Variants in DNAJC7 observed in about 807,000 individuals in gnomAD.
DNAJC7 encodes dnaJ homolog subfamily C member 7.
In DNAJC7, 18 loss-of-function variants were observed where a neutral mutation model predicts 67.4. The ratio of observed to expected loss-of-function variants is 0.27; its 90% CI spans 0.18 to 0.40. The LOEUF (loss-of-function observed/expected upper bound fraction) is 0.40, where lower values mean the gene tolerates loss of function less well. Among genes scored for constraint, DNAJC7 ranks in the 10% least tolerant of loss-of-function variants. The pLI is 1.00. For missense variants in DNAJC7, 419 were observed against 613.8 expected, an observed-to-expected ratio of 0.68 and a Z score of 3.35; for synonymous variants, 220 against 207.8, an observed-to-expected ratio of 1.06 and a Z score of -0.50.
chr17:42,006,972 G>A, intron 1 of DNAJC7, among the ~76,000 whole-genome samples: 1 of 150,950 alleles, frequency 6.6e-6, no homozygotes, highest in Non-Finnish European at 1.5e-5. Context: ...CAAGGTGGCA[G>A]GCGCCTGTAG....
At chr17:41,976,842 A>G in intron 13 of DNAJC7, 72 bp from the exon 14 acceptor site, 1 of 1,565,072 alleles carries the variant, frequency 6.4e-7, no homozygotes, top group Non-Finnish European at 8.7e-7. Flanking sequence ...CTGATTATGG[A>G]AAAGTCTTCA....
At chr17:42,005,994 A>G (rs141370002) in intron 1 of DNAJC7, among the ~76,000 whole-genome samples, 1,544 of 152,056 alleles carry the variant, frequency 0.01, 29 homozygotes, top group African/African-American at 0.036. Context: ...CCCAGGCTAG[A>G]GTGCAGTGGC....
At chr17:41,991,410 G>A (rs944689552) in intron 5 of DNAJC7, among the ~76,000 whole-genome samples, 1 of 152,092 alleles carries the variant, frequency 6.6e-6, no homozygotes, top group Non-Finnish European at 1.5e-5. Flanking sequence ...ATAGAATGAA[G>A]AAGCTCTTCA....
intron 11 of DNAJC7, 51 bp downstream of exon 11, chr17:41,982,204 G>T: frequency 6.2e-7 from 1 of 1,608,440 alleles, no homozygotes; most frequent in Non-Finnish European, 8.5e-7. Context: ...GTGGCAGTTG[G>T]CCTGCCCTGC....
chr17:41,989,285 T>C (rs2051454819), intron 7 of DNAJC7, 119 bp downstream of exon 7: 1 of 1,379,746 alleles, frequency 7.2e-7, no homozygotes, highest in Non-Finnish European at 9.8e-7. Context: ...CCAAGCATCC[T>C]TGCAAAGCAG....
chr17:42,017,397 C>T lies in DNAJC7; in HGVS notation c.20G>A (p.Cys7Tyr). The T allele has an allele frequency of 1.9e-6, 3 of 1,609,098 alleles. No homozygotes were observed. The highest frequency in any genetic ancestry group is 1.7e-6 in the Non-Finnish European group (2 of 1,179,860). The stretch of plus-strand genomic sequence containing the variant: ...CTCGGTCGCCGCCATTACCACATCG[C>T]ACTCCGCGGCAGCCGCCATCTTACC... Reference protein sequence around the residue: MAAAAECDVVMAATEPE... With the variant: MAAAAEYDVVMAATEPE... Residue 7 changes from cysteine (C) to tyrosine (Y), a missense_variant, in exon 1 of 14, where the codon TGC becomes TAC. By Grantham distance (194) the Cys-to-Tyr change is radical. This residue lies in a region of DNAJC7 where 63 missense variants were observed against 54.0 expected (regional missense o/e 1.17). Coordinates refer to ENST00000457167, the MANE Select transcript of DNAJC7 (RefSeq NM_003315.4).
At chr17:41,994,193 G>A (rs1374892365) in intron 5 of DNAJC7, among the ~76,000 whole-genome samples, 1 of 149,910 alleles carries the variant, frequency 6.7e-6, no homozygotes, top group Admixed American at 6.7e-5. Flanking sequence ...AAAATTAGCT[G>A]GGCGTGGTGG....
At chr17:42,005,262 T>C (rs1372869668) in intron 1 of DNAJC7, among the ~76,000 whole-genome samples, 38 of 152,204 alleles carry the variant, frequency 2.5e-4, no homozygotes, top group Admixed American at 2.5e-3. Flanking sequence ...CAACTTGGGC[T>C]TATGGTTGCT....
intron 1 of DNAJC7, chr17:42,011,928 G>A (rs868975235): frequency 6.6e-6 from 1 of 152,200 alleles, no homozygotes; most frequent in African/African-American, 2.4e-5. Flanking sequence ...GAGTTCAGTT[G>A]TTCCCATTAA....
At chr17:42,016,883 G>T in intron 1 of DNAJC7, 1 of 946,386 alleles carries the variant, frequency 1.1e-6, no homozygotes, top group South Asian at 2.6e-5. Context: ...ACTAGTGATC[G>T]CTGGGGTATA....
intron 1 of DNAJC7, chr17:42,015,024 G>A (rs1387671253): frequency 6.6e-6 from 1 of 151,822 alleles, no homozygotes; most frequent in Non-Finnish European, 1.5e-5. Flanking sequence ...TTGTCACCCA[G>A]GCTGGAGTGC....
At chr17:41,986,530 CTTT>C (rs74268062) in intron 9 of DNAJC7, among the ~76,000 whole-genome samples, 4 of 128,678 alleles carry the variant, frequency 3.1e-5, no homozygotes, top group Non-Finnish European at 6.6e-5. Flanking sequence ...CTCCCCCCGC[CTTT>C]TTTTTTTTTT....
At chr17:41,984,299 CT>C (rs67739063) in intron 9 of DNAJC7, 4,319 of 120,454 alleles carry the variant, frequency 0.036, 64 homozygotes, top group African/African-American at 0.087. Context: ...ATTGCGAGAT[CT>C]TTTTTTTTTT....
intron 1 of DNAJC7, chr17:42,013,496 T>C (rs1361530301): frequency 2.0e-5 from 3 of 152,224 alleles, no homozygotes; most frequent in Non-Finnish European, 4.4e-5. Flanking sequence ...CTTACAAAGC[T>C]GGACCTCACA....
chr17:42,006,796 C>CCAAAAAAA (rs2051972669), intron 1 of DNAJC7, among the ~76,000 whole-genome samples: 1 of 23,322 alleles, frequency 4.3e-5, no homozygotes, highest in Non-Finnish European at 6.7e-5. Flanking sequence ...GACTCCGTCT[C>CCAAAAAAA]AAAAAAAAAA....
intron 10 of DNAJC7, 117 bp from the exon 11 acceptor site, chr17:41,982,518 G>T (rs913894591): frequency 1.5e-6 from 2 of 1,331,320 alleles, no homozygotes; most frequent in Admixed American, 4.5e-5. Flanking sequence ...GGACTTTTAC[G>T]GTGCTTTCTT....
At chr17:42,017,119 G>T in intron 1 of DNAJC7, 2 of 1,453,652 alleles carry the variant, frequency 1.4e-6, no homozygotes, top group South Asian at 1.4e-5. Flanking sequence ...TGGAGAACAA[G>T]GCCATGCCTC....
chr17:42,015,219 A>ATCCG (rs2052234050), intron 1 of DNAJC7: 1 of 151,864 alleles, frequency 6.6e-6, no homozygotes. Context: ...ACCTCAGCTG[A>ATCCG]CCCACCTGCC....
intron 1 of DNAJC7, chr17:42,010,979 A>C (rs1442837371): frequency 1.3e-5 from 2 of 152,160 alleles, no homozygotes; most frequent in Non-Finnish European, 2.9e-5. Context: ...GTGTCACTCC[A>C]ATAAAATGAA....
Sources: allele counts gnomAD v4.1 joint callset (sites outside exome capture counted in the v4.1 genomes callset), GRCh38; gene constraint gnomAD v4.1.1; regional missense constraint gnomAD v4.1.1; transcripts MANE v1.5; gene names NCBI Gene and HGNC (gene_info 2026-07-23, HGNC 2026-07-21).